Variants in ANKS1B observed in about 807,000 individuals in gnomAD.
ANKS1B encodes ankyrin repeat and sterile alpha motif domain containing 1B.
A neutral mutation model predicts 148.3 loss-of-function variants in ANKS1B; 36 were observed. That is an observed-to-expected ratio of 0.24 (90% CI 0.19 to 0.32). The LOEUF is 0.32. Among genes scored for constraint, ANKS1B ranks in the 10% least tolerant of loss-of-function variants. ANKS1B has a pLI of 1.00. For missense variants in ANKS1B, 1,157 were observed against 1,542.6 expected (o/e 0.75, Z 4.19); for synonymous variants, 542 against 560.8 (o/e 0.97, Z 0.47).
At chr12:99,083,603 T>C (rs2050599050) in intron 16 of ANKS1B, among the ~76,000 whole-genome samples, 2 of 152,196 alleles carry the variant, frequency 1.3e-5, no homozygotes, top group African/African-American at 4.8e-5. Flanking sequence ...TAAAATTATT[T>C]TTTGAATTGC....
At chr12:99,047,147 C>A (rs1482237638) in intron 17 of ANKS1B, among the ~76,000 whole-genome samples, 1 of 152,168 alleles carries the variant, frequency 6.6e-6, no homozygotes, top group African/African-American at 2.4e-5. Flanking sequence ...CAACTGTAAT[C>A]CCAGCACTTT....
intron 12 of ANKS1B, among the ~76,000 whole-genome samples, chr12:99,340,865 T>A (rs2152328889): frequency 6.6e-6 from 1 of 152,228 alleles, no homozygotes; most frequent in African/African-American, 2.4e-5. Context: ...TGAGAAATAA[T>A]AAAATACAGA....
chr12:98,781,313 AACACAC>A (rs59308427), intron 23 of ANKS1B, 110 bp from the exon 24 acceptor site: 295 of 613,476 alleles, frequency 4.8e-4, no homozygotes, highest in African/African-American at 2.8e-3. Flanking sequence ...AAACAACAAC[AACACAC>A]ACACACACAC....
chr12:99,417,827 AG>A (rs1478713176), intron 11 of ANKS1B, among the ~76,000 whole-genome samples: 2 of 152,216 alleles, frequency 1.3e-5, no homozygotes, highest in African/African-American at 4.8e-5. Flanking sequence ...TTCTGAAAGC[AG>A]CAAGAAGTAA....
chr12:99,080,133 C>G (rs1599578700), intron 16 of ANKS1B, among the ~76,000 whole-genome samples: 1 of 152,216 alleles, frequency 6.6e-6, no homozygotes, highest in African/African-American at 2.4e-5. Flanking sequence ...TTCCTGCCTC[C>G]TTGCTTGGCC....
intron 12 of ANKS1B, among the ~76,000 whole-genome samples, chr12:99,312,915 CTAAGA>C (rs779348275): frequency 1.5e-4 from 23 of 151,922 alleles, no homozygotes; most frequent in Non-Finnish European, 4.4e-5. Flanking sequence ...CAAGAAATAA[CTAAGA>C]TGAGAGCAGA....
intron 15 of ANKS1B, among the ~76,000 whole-genome samples, chr12:99,114,356 T>C (rs1294265882): frequency 6.6e-6 from 1 of 152,210 alleles, no homozygotes; most frequent in African/African-American, 2.4e-5. Context: ...TTCTTCTGCA[T>C]AGCAAAAGAA....
Position 99,067,355 on chromosome 12 carries a change from T to C in ANKS1B, c.2626-14046A>G, listed in dbSNP as rs1309239855. On this transcript the variant is annotated intron_variant, in intron 16 of 26. Transcript: ENST00000683438. The stretch of plus-strand genomic sequence containing the variant: ...CTTGATGGGAAGACACTGGGTATCA[T>C]AGCCAGAGACACAGACATCAGTACC... 3.3e-5 allele frequency among the ~76,000 whole-genome samples: 5 copies of C among 152,304 alleles called. No individual in the cohort carries two copies. In the East Asian group the frequency reaches 5.8e-4, roughly 18 times the overall value.
intron 8 of ANKS1B, among the ~76,000 whole-genome samples, chr12:99,753,112 C>CA (rs2061262383): frequency 6.6e-6 from 1 of 151,842 alleles, no homozygotes; most frequent in South Asian, 2.1e-4. Flanking sequence ...CTGGAATTTC[C>CA]AATTAATGTT....
chr12:99,652,398 G>C (rs1027389679), intron 9 of ANKS1B, among the ~76,000 whole-genome samples: 4 of 151,886 alleles, frequency 2.6e-5, no homozygotes, highest in African/African-American at 9.7e-5. Flanking sequence ...GCTTGAACCA[G>C]GGAGGCAGAG....
At position 99,280,029 on chromosome 12, in the gene ANKS1B, ATAAT is replaced by A. The variant is rs548011344; in HGVS notation, c.1757-33169_1757-33166del. ...CAAAAAAATAAAAATAAAATAAATA[ATAAT>A]TAAAGGAACCAGCAGCTCAAAATAT... On this transcript the variant is annotated intron_variant, in intron 12 of 26. Coordinates refer to ENST00000683438, the MANE Select transcript of ANKS1B (RefSeq NM_001352186.2). Among the ~76,000 whole-genome samples, 273 of 152,192 alleles carry A rather than the reference ATAAT, an allele frequency of 1.8e-3. 1 individual carries two copies. Among genetic ancestry groups the A allele is most frequent in the Non-Finnish European group, 3.2e-3 (219 of 68,000 alleles).
chr12:99,160,030 C>A (rs660884), intron 14 of ANKS1B, among the ~76,000 whole-genome samples: 127,493 of 151,964 alleles, frequency 0.84, 53,956 homozygotes, highest in East Asian at 1. Context: ...TCTTCTTTTG[C>A]GAAGTGTCTG....
At chr12:98,937,679 T>C (rs184203907) in intron 17 of ANKS1B, among the ~76,000 whole-genome samples, 4 of 152,302 alleles carry the variant, frequency 2.6e-5, no homozygotes, top group African/African-American at 9.6e-5. Context: ...ATGCCACCTA[T>C]AAGCTGTGTG....
intron 8 of ANKS1B, among the ~76,000 whole-genome samples, chr12:99,685,552 C>T (rs746425339): frequency 1.5e-4 from 23 of 152,030 alleles, no homozygotes; most frequent in South Asian, 4.1e-4. Flanking sequence ...GTAGATCTAC[C>T]GTTTGATCCA....
Position 99,589,363 on chromosome 12 carries a change from T to G in ANKS1B, c.1272+65704A>C, listed in dbSNP as rs541636946. ...TTTCCAACTACCTATTTTTATAAAC[T>G]AAAATTATTTCATCTGAAGTTCCCC... On this transcript the variant is annotated intron_variant, in intron 9 of 26. Transcript: ENST00000683438. Among the ~76,000 whole-genome samples the G allele has an allele frequency of 8.5e-5, 13 of 152,288 alleles. No individual in the cohort carries two copies. In the South Asian group the frequency reaches 2.7e-3, roughly 32 times the overall value.
chr12:98,735,028 C>T, exon 10 of ANKS1B: 1 of 390,662 alleles, frequency 2.6e-6, no homozygotes, highest in Non-Finnish European at 4.5e-6. Flanking sequence ...CAGGAGGATT[C>T]CTTGAGCCCT....
chr12:99,696,972 T>A (rs1038521551), intron 8 of ANKS1B, among the ~76,000 whole-genome samples: 1 of 152,190 alleles, frequency 6.6e-6, no homozygotes, highest in Admixed American at 6.5e-5. Flanking sequence ...AATAATTGCA[T>A]GAAAAGATGC....
At chr12:98,863,865 C>G (rs201389) in intron 17 of ANKS1B, among the ~76,000 whole-genome samples, 80,614 of 152,084 alleles carry the variant, frequency 0.53, 23,524 homozygotes, top group East Asian at 0.8. Context: ...ACCGTGATGT[C>G]GATGATATAA....
intron 26 of ANKS1B, among the ~76,000 whole-genome samples, chr12:98,746,576 G>T (rs1015012933): frequency 6.6e-6 from 1 of 152,096 alleles, no homozygotes; most frequent in African/African-American, 2.4e-5. Flanking sequence ...ACTTATTGCC[G>T]CTATGCGTCA....
Sources: gnomAD v4.1 joint callset for allele counts (sites outside exome capture counted in the v4.1 genomes callset) on GRCh38, gnomAD v4.1.1 for gene constraint, MANE v1.5 for transcripts, NCBI Gene and HGNC (gene_info 2026-07-23, HGNC 2026-07-21) for gene names.